Variants in EYS observed in about 807,000 individuals in gnomAD.
EYS encodes protein eyes shut homolog.
Under a neutral mutation model 282.1 loss-of-function variants are expected in EYS, and 250 were observed. The ratio of observed to expected loss-of-function variants is 0.89; its 90% CI spans 0.80 to 0.98. EYS has a LOEUF of 0.98. Ranked by LOEUF, EYS falls within the 50% of genes least tolerant of loss-of-function variation. The pLI is 0.00. For synonymous variants in EYS, 1,355 were observed against 1,282.9 expected (o/e 1.06, Z -1.20); for missense variants, 4,016 against 3,709.0 (o/e 1.08, Z -2.15).
chr6:64,568,013 T>G (rs1266850135), intron 26 of EYS, among the ~76,000 whole-genome samples: 1 of 152,160 alleles, frequency 6.6e-6, no homozygotes, highest in Non-Finnish European at 1.5e-5. Context: ...CATGGCATTC[T>G]CCATGAGTAG....
intron 13 of EYS, among the ~76,000 whole-genome samples, chr6:65,001,645 G>A (rs1325961022): frequency 6.8e-6 from 1 of 147,830 alleles, no homozygotes; most frequent in East Asian, 2.1e-4. Context: ...CTTTGCCAGG[G>A]CATCTTGTAC....
chr6:65,679,032 T>C (rs967162011), intron 1 of EYS, among the ~76,000 whole-genome samples: 1 of 151,962 alleles, frequency 6.6e-6, no homozygotes, highest in Admixed American at 6.6e-5. Context: ...TGTGAATACA[T>C]TGAAACCCAT....
chr6:64,367,394 T>C (rs968360214), intron 29 of EYS, among the ~76,000 whole-genome samples: 1 of 152,062 alleles, frequency 6.6e-6, no homozygotes, highest in African/African-American at 2.4e-5. Flanking sequence ...ATATTTGTAA[T>C]ACAATGGACA....
At chr6:65,571,816 C>T (rs1475327503) in intron 2 of EYS, among the ~76,000 whole-genome samples, 2 of 151,826 alleles carry the variant, frequency 1.3e-5, no homozygotes, top group African/African-American at 4.8e-5. Context: ...AGATCCAAAT[C>T]AATGAAAATA....
At position 65,015,281 on chromosome 6, in the gene EYS, C is replaced by T. The variant is rs563835255; in HGVS notation, c.2138-17578G>A. Among the ~76,000 whole-genome samples, 135 of 152,258 alleles carry T rather than the reference C, an allele frequency of 8.9e-4. 1 individual carries two copies. The highest frequency in any genetic ancestry group is 1.7e-3 in the Non-Finnish European group (114 of 68,032). On this transcript the variant is annotated intron_variant, in intron 13 of 42. Transcript: ENST00000503581. ...CATCACTATTGTGAAAAACTCATCC[C>T]AATTTCAAAGATGCTTGTGTTAATA...
chr6:63,881,454 A>G (rs920604157), intron 35 of EYS, among the ~76,000 whole-genome samples: 1 of 152,166 alleles, frequency 6.6e-6, no homozygotes, highest in Non-Finnish European at 1.5e-5. Flanking sequence ...AATCGTTTGA[A>G]GTTTTGTTTA....
chr6:64,243,760 A>G (rs553965927), intron 30 of EYS, among the ~76,000 whole-genome samples: 1 of 152,338 alleles, frequency 6.6e-6, no homozygotes, highest in Non-Finnish European at 1.5e-5. Context: ...TTTCACATTC[A>G]ATTGCAAAAC....
intron 2 of EYS, among the ~76,000 whole-genome samples, chr6:65,609,069 A>G (rs1395727018): frequency 2.0e-5 from 3 of 152,088 alleles, no homozygotes; most frequent in Non-Finnish European, 2.9e-5. Flanking sequence ...ACACAAATCA[A>G]TAACATAATC....
intron 26 of EYS, among the ~76,000 whole-genome samples, chr6:64,582,826 A>G (rs1766117124): frequency 6.6e-6 from 1 of 152,130 alleles, no homozygotes; most frequent in South Asian, 2.1e-4. Flanking sequence ...ACAAACTAGC[A>G]CAACACAAAA....
chr6:65,259,782 T>C (rs12212937), intron 12 of EYS, among the ~76,000 whole-genome samples: 6,467 of 152,136 alleles, frequency 0.043, 188 homozygotes, highest in Middle Eastern at 0.065. Flanking sequence ...CTCCTAATTT[T>C]CATGTGCTTG....
intron 2 of EYS, among the ~76,000 whole-genome samples, chr6:65,590,241 T>C (rs1280991539): frequency 6.6e-6 from 1 of 152,004 alleles, no homozygotes; most frequent in Non-Finnish European, 1.5e-5. Context: ...CAGTACCCAA[T>C]GAAGCAATGT....
intron 33 of EYS, among the ~76,000 whole-genome samples, chr6:64,029,443 G>A (rs1472923559): frequency 6.6e-6 from 1 of 152,186 alleles, no homozygotes; most frequent in African/African-American, 2.4e-5. Context: ...GGTGCCAAAG[G>A]AAGTTTATGG....
At chr6:65,666,631 A>G (rs2149829593) in intron 1 of EYS, among the ~76,000 whole-genome samples, 1 of 151,812 alleles carries the variant, frequency 6.6e-6, no homozygotes, top group Admixed American at 6.6e-5. Context: ...TTCTACAGAT[A>G]TTGATTAAAT....
chr6:65,199,930 T>C (rs1057396680), intron 12 of EYS, among the ~76,000 whole-genome samples: 1 of 152,082 alleles, frequency 6.6e-6, no homozygotes, highest in Non-Finnish European at 1.5e-5. Context: ...AGAGTTTACA[T>C]TGAGGATAGT....
chr6:65,072,368 C>T (rs1482617137), intron 12 of EYS, among the ~76,000 whole-genome samples: 2 of 150,952 alleles, frequency 1.3e-5, no homozygotes, highest in African/African-American at 4.9e-5. Context: ...AACAAACAAA[C>T]AAACAAAAAC....
At chr6:64,532,424 T>C (rs1032715596) in intron 26 of EYS, among the ~76,000 whole-genome samples, 1 of 152,122 alleles carries the variant, frequency 6.6e-6, no homozygotes, top group Non-Finnish European at 1.5e-5. Context: ...TTTAAAATAT[T>C]CTAGGCCGGG....
At chr6:64,691,905 G>A (rs1770398301) in intron 22 of EYS, among the ~76,000 whole-genome samples, 2 of 152,110 alleles carry the variant, frequency 1.3e-5, no homozygotes, top group Non-Finnish European at 2.9e-5. Context: ...TATAATTGAT[G>A]GGCACCTGGA....
At chr6:64,136,501 A>T (rs1011285236) in intron 31 of EYS, among the ~76,000 whole-genome samples, 4 of 152,280 alleles carry the variant, frequency 2.6e-5, no homozygotes, top group African/African-American at 9.6e-5. Flanking sequence ...TATGGCAGCT[A>T]TAACCTTACA....
At chr6:64,596,105 C>A (rs1336945331) in intron 24 of EYS, among the ~76,000 whole-genome samples, 1 of 152,156 alleles carries the variant, frequency 6.6e-6, no homozygotes, top group South Asian at 2.1e-4. Context: ...GGGACACACA[C>A]TTTAAAATAA....
Sources: gnomAD v4.1 joint callset for allele counts (sites outside exome capture counted in the v4.1 genomes callset) on GRCh38, gnomAD v4.1.1 for gene constraint, MANE v1.5 for transcripts, NCBI Gene and HGNC (gene_info 2026-07-23, HGNC 2026-07-21) for gene names.